ORC1: variants seen among roughly 807,000 people sequenced by gnomAD.
ORC1 encodes origin recognition complex subunit 1.
A neutral mutation model predicts 98.9 loss-of-function variants in ORC1; 61 were observed. The ratio of observed to expected loss-of-function variants is 0.62; its 90% CI spans 0.50 to 0.76. The LOEUF (loss-of-function observed/expected upper bound fraction) is 0.76, where lower values mean the gene tolerates loss of function less well. Ranked by LOEUF, ORC1 falls within the 30% of genes least tolerant of loss-of-function variation. ORC1 has a pLI of 0.00. For synonymous variants in ORC1, 385 were observed against 406.9 expected (o/e 0.95, Z 0.65); for missense variants, 979 against 1,072.2 (o/e 0.91, Z 1.21).
chr1:52,396,821 T>C (rs1252626521), intron 4 of ORC1, among the ~76,000 whole-genome samples: 2 of 152,180 alleles, frequency 1.3e-5, no homozygotes, highest in African/African-American at 4.8e-5. Flanking sequence ...GCTCGCCTGC[T>C]CAACAGCCAA....
At chr1:52,378,113 G>A (rs1209901483) in intron 14 of ORC1, among the ~76,000 whole-genome samples, 2 of 151,916 alleles carry the variant, frequency 1.3e-5, no homozygotes, top group African/African-American at 4.8e-5. Context: ...TTAGGAGGCT[G>A]CAGCAGGCAG....
chr1:52,404,690 C>T (rs750093897), upstream of ORC1: 136 of 1,568,292 alleles, frequency 8.7e-5, no homozygotes, highest in Non-Finnish European at 1.2e-4. Flanking sequence ...GGTGCTTTTT[C>T]TGAACCTGGA....
rs778337525 is a variant in ORC1 at position 52,397,870 on chromosome 1, A to G, written c.224-7T>C. Reference sequence around the variant, plus strand: ...TTAGGAGGAGGATCAGAGTCTAGAAAGAATTTGGTGGAAAGGGAAAGGTTA... The same window carrying G: ...TTAGGAGGAGGATCAGAGTCTAGAAGGAATTTGGTGGAAAGGGAAAGGTTA... On this transcript the variant is annotated splice_polypyrimidine_tract_variant and splice_region_variant and intron_variant, in intron 3 of 16. Coordinates refer to ENST00000371568, the MANE Select transcript of ORC1 (RefSeq NM_004153.4). 3 of 1,614,102 alleles carry G rather than the reference A, an allele frequency of 1.9e-6. No homozygotes were observed. The highest frequency in any genetic ancestry group is 1.1e-5 in the South Asian group (1 of 91,078).
chr1:52,399,872 T>TGGCAAATG (rs1055561323), intron 3 of ORC1, among the ~76,000 whole-genome samples: 4 of 152,062 alleles, frequency 2.6e-5, no homozygotes, highest in African/African-American at 7.2e-5. Flanking sequence ...AGATGACTTC[T>TGGCAAATG]GGCAAATGCT....
upstream of ORC1, among the ~76,000 whole-genome samples, chr1:52,406,323 A>G (rs1483559233): frequency 6.6e-6 from 1 of 152,060 alleles, no homozygotes; most frequent in African/African-American, 2.4e-5. Context: ...TGATTGTATT[A>G]ATCTTCTACT....
At chr1:52,378,284 G>T (rs984821628) in intron 14 of ORC1, among the ~76,000 whole-genome samples, 1 of 151,646 alleles carries the variant, frequency 6.6e-6, no homozygotes, top group East Asian at 1.9e-4. Flanking sequence ...GGCAGAGGTT[G>T]CAGTGAGCTG....
At chr1:52,399,935 G>A (rs764281424) in intron 3 of ORC1, among the ~76,000 whole-genome samples, 4 of 152,074 alleles carry the variant, frequency 2.6e-5, no homozygotes, top group Non-Finnish European at 4.4e-5. Context: ...CTCCGTACCA[G>A]CAATAGCTCC....
At chr1:52,373,449 A>G (rs1379722850) in intron 16 of ORC1, 74 bp from the exon 17 acceptor site, 1 of 1,342,152 alleles carries the variant, frequency 7.5e-7, no homozygotes, top group South Asian at 1.2e-5. Context: ...TTCTTTCTTC[A>G]TTTGGGAAAA....
Position 52,386,656 on chromosome 1 carries a change from C to T in ORC1, c.1384-707G>A, listed in dbSNP as rs372389265. Among the ~76,000 whole-genome samples the T allele has an allele frequency of 2.0e-5, 3 of 152,332 alleles. No individual in the cohort carries two copies. The East Asian group carries it at 5.8e-4, about 29-fold the overall frequency. ...CCATTTCCTCCCGAGGCAGAAAGCACTTAAACTGTTTAAAAGGCTTTACAG... is the reference window on the plus strand; with the variant it reads ...CCATTTCCTCCCGAGGCAGAAAGCATTTAAACTGTTTAAAAGGCTTTACAG... On this transcript the variant is annotated intron_variant, in intron 8 of 16. Coordinates refer to ENST00000371568, the MANE Select transcript of ORC1 (RefSeq NM_004153.4).
Position 52,393,528 on chromosome 1 carries a change from C to T in ORC1, c.997G>A (p.Glu333Lys). ...CCACTGATAGGGGTAAGTGTTCTCTCCTCTCTAATGTCTATGGTTTTCGAA... is the reference window on the plus strand; with the variant it reads ...CCACTGATAGGGGTAAGTGTTCTCTTCTCTCTAATGTCTATGGTTTTCGAA... ...AASKTIDIRE[E>K]RTLTPISGGQ... is the part of the protein sequence containing the mutation. The change falls in exon 6 of 17, where the codon GAG becomes AAG. Residue 333 changes from glutamate (E) to lysine (K), a missense_variant. Transcript: ENST00000371568. 2 of 1,614,156 alleles carry T rather than the reference C, an allele frequency of 1.2e-6. No individual in the cohort carries two copies. The highest frequency in any genetic ancestry group is 1.1e-5 in the South Asian group (1 of 91,078).
upstream of ORC1, chr1:52,408,471 G>C (rs1273522899): frequency 2.6e-6 from 4 of 1,528,000 alleles, no homozygotes; most frequent in Non-Finnish European, 3.6e-6. Context: ...CTGCCAAAGA[G>C]AAGAACATGT....
chr1:52,387,193 A>G (rs534365316), intron 8 of ORC1, among the ~76,000 whole-genome samples: 2 of 152,250 alleles, frequency 1.3e-5, no homozygotes, highest in Admixed American at 6.5e-5. Flanking sequence ...GGTGAGCATT[A>G]CCACCTGAGC....
intron 13 of ORC1, among the ~76,000 whole-genome samples, chr1:52,382,939 C>G (rs1045370391): frequency 6.6e-6 from 1 of 152,036 alleles, no homozygotes; most frequent in African/African-American, 2.4e-5. Context: ...TAAAAGTCCA[C>G]GAGCAGCAGA....
upstream of ORC1, chr1:52,405,612 G>A: frequency 6.7e-7 from 1 of 1,494,958 alleles, no homozygotes; most frequent in Admixed American, 1.8e-5. Context: ...ACCAAAGCTT[G>A]AACTAACTCC....
intron 14 of ORC1, among the ~76,000 whole-genome samples, chr1:52,379,839 A>G (rs1638816778): frequency 6.6e-6 from 1 of 152,100 alleles, no homozygotes; most frequent in Non-Finnish European, 1.5e-5. Flanking sequence ...AGGCTGAGGC[A>G]GGAGAATGGC....
chr1:52,384,824 C>T, intron 10 of ORC1, 103 bp from the exon 11 acceptor site: 2 of 1,071,030 alleles, frequency 1.9e-6, no homozygotes, highest in Non-Finnish European at 2.8e-6. Flanking sequence ...GGACCGAGAC[C>T]CTTGAAATGT....
rs373111211 is a variant in ORC1 at position 52,400,239 on chromosome 1, G to T, written c.223+1123C>A. ...CCAAGACCAGTAGATGCTTGAACCT[G>T]CAGATGCTGCCACTAACCCTGTATA... On this transcript the variant is annotated intron_variant, in intron 3 of 16. Transcript: ENST00000371568. Among the ~76,000 whole-genome samples, 36 of 152,290 alleles carry T rather than the reference G, an allele frequency of 2.4e-4. No homozygotes were observed. In the East Asian group the frequency reaches 6.8e-3, roughly 29 times the overall value.
At position 52,397,846 on chromosome 1, in the gene ORC1, T is replaced by G; in HGVS notation, c.241A>C (p.Lys81Gln). The part of the protein sequence containing the change: ...LFEDDSDPPP[K>Q]KRARVQWFVR... ...AACCACTGTACTCGAGCACGTTTCT[T>G]AGGAGGAGGATCAGAGTCTAGAAAG... The change falls in exon 4 of 17, where the codon AAG becomes CAG. Residue 81 changes from lysine (K) to glutamine (Q), a missense_variant. Coordinates refer to ENST00000371568, the MANE Select transcript of ORC1 (RefSeq NM_004153.4). The G allele has an allele frequency of 1.2e-6, 2 of 1,614,190 alleles. No individual in the cohort carries two copies. The highest frequency in any genetic ancestry group is 1.7e-6 in the Non-Finnish European group (2 of 1,180,016).
At chr1:52,380,710 G>T (rs932200854) in intron 14 of ORC1, among the ~76,000 whole-genome samples, 1 of 151,442 alleles carries the variant, frequency 6.6e-6, no homozygotes, top group Non-Finnish European at 1.5e-5. Flanking sequence ...AAAAAAAAAG[G>T]GTGGCATAAA....
Sources: allele counts gnomAD v4.1 joint callset (sites outside exome capture counted in the v4.1 genomes callset), GRCh38; gene constraint gnomAD v4.1.1; transcripts MANE v1.5; gene names NCBI Gene and HGNC (gene_info 2026-07-23, HGNC 2026-07-21).